The following DAPK2 variants were observed in gnomAD, a reference collection of about 807,000 sequenced individuals.
DAPK2 encodes the protein death associated protein kinase 2, also known as death-associated protein kinase 2.
DAPK2 carries 35 observed loss-of-function variants against 44.1 expected under a neutral mutation model. That is an observed-to-expected ratio of 0.79 (90% CI 0.61 to 1.05). DAPK2 has a LOEUF of 1.05. Among genes scored for constraint, DAPK2 ranks in the 50% least tolerant of loss-of-function variants. DAPK2 has a pLI of 0.00. For synonymous variants in DAPK2, 174 were observed against 182.6 expected, an observed-to-expected ratio of 0.95 and a Z score of 0.38; for missense variants, 453 against 483.2, an observed-to-expected ratio of 0.94 and a Z score of 0.59.
At position 64,020,184 on chromosome 15, in the gene DAPK2, T is replaced by C. The variant is rs1391929801; in HGVS notation, c.92+19986A>G. On this transcript the variant is annotated intron_variant, in intron 1 of 10. Transcript: ENST00000261891. The surrounding 1 kb of genome is among the most constrained non-coding windows in gnomAD (Gnocchi z 4.5). ...GACACTAAGTGCCAGAAGGCACTTA[T>C]ATGCTAGAGATGGGGGAAAGGAAAC... Among the ~76,000 whole-genome samples the C allele has an allele frequency of 1.3e-5, 2 of 152,196 alleles. No individual in the cohort carries two copies. The highest frequency in any genetic ancestry group is 4.8e-5 in the African/African-American group (2 of 41,438).
At chr15:64,037,392 C>G (rs1023539523) in intron 1 of DAPK2, among the ~76,000 whole-genome samples, 2 of 152,212 alleles carry the variant, frequency 1.3e-5, no homozygotes, top group Non-Finnish European at 2.9e-5. Context: ...TCTAACCACC[C>G]AGATGGAATT....
chr15:63,950,392 A>AT (rs1282328997), intron 3 of DAPK2, among the ~76,000 whole-genome samples: 1,454 of 144,538 alleles, frequency 0.01, 24 homozygotes, highest in African/African-American at 0.032. Context: ...ATTAAAAAAC[A>AT]TTTTTTTTTT....
chr15:63,940,581 G>A (rs1006333995), intron 3 of DAPK2, among the ~76,000 whole-genome samples: 8 of 151,948 alleles, frequency 5.3e-5, no homozygotes, highest in Non-Finnish European at 8.8e-5. Context: ...GTGTGGTGGC[G>A]CACGCCTGTA....
intron 8 of DAPK2, among the ~76,000 whole-genome samples, chr15:63,915,478 T>C (rs2078902717): frequency 6.6e-6 from 1 of 152,240 alleles, no homozygotes; most frequent in Non-Finnish European, 1.5e-5. Flanking sequence ...ATTAGTAGAC[T>C]CTGGGGGAGA....
intron 1 of DAPK2, among the ~76,000 whole-genome samples, chr15:64,009,681 T>C (rs2079333043): frequency 1.3e-5 from 2 of 152,136 alleles, no homozygotes; most frequent in Non-Finnish European, 2.9e-5. Flanking sequence ...AATCCTCACC[T>C]TGGAATATGT....
intron 2 of DAPK2, among the ~76,000 whole-genome samples, chr15:63,976,987 C>G (rs2078368465): frequency 6.6e-6 from 1 of 152,002 alleles, no homozygotes; most frequent in Non-Finnish European, 1.5e-5. Flanking sequence ...ATACAGGGAA[C>G]AGAGGAATGA....
chr15:63,924,786 G>A (rs765936311), intron 8 of DAPK2, 30 bp downstream of exon 9: 1 of 1,613,540 alleles, frequency 6.2e-7, no homozygotes, highest in East Asian at 2.2e-5. Context: ...GGGACCCTTT[G>A]CCCATTGGAA....
chr15:63,973,996 T>C (rs2078281575), intron 2 of DAPK2, among the ~76,000 whole-genome samples: 1 of 152,196 alleles, frequency 6.6e-6, no homozygotes, highest in East Asian at 1.9e-4. Context: ...CAAGAGAATC[T>C]AAGTATGGCC....
At chr15:64,036,046 A>C (rs2080170967) in intron 1 of DAPK2, among the ~76,000 whole-genome samples, 1 of 151,906 alleles carries the variant, frequency 6.6e-6, no homozygotes, top group Non-Finnish European at 1.5e-5. Flanking sequence ...GAGGATCACA[A>C]GGTCAAGAGA....
rs563956100 is a variant in DAPK2 at position 63,953,913 on chromosome 15, G to A, written c.454-14552C>T. 2.6e-5 allele frequency among the ~76,000 whole-genome samples: 4 copies of A among 152,282 alleles called. No individual in the cohort carries two copies. In the East Asian group the frequency reaches 7.7e-4, roughly 29 times the overall value. On this transcript the variant is annotated intron_variant, in intron 3 of 10. Coordinates refer to ENST00000261891, the Ensembl canonical transcript of DAPK2. Reference sequence around the variant, plus strand: ...TCATACACCTGTTTGCCATTTGTATGTCTTCTTTTTAGAAATGTCTATTCA... The same window carrying A: ...TCATACACCTGTTTGCCATTTGTATATCTTCTTTTTAGAAATGTCTATTCA...
chr15:64,008,278 T>C (rs1211463110), intron 1 of DAPK2, among the ~76,000 whole-genome samples: 2 of 152,232 alleles, frequency 1.3e-5, no homozygotes, highest in African/African-American at 4.8e-5. Context: ...CTCTACCCTA[T>C]ATGCAGGTTC....
chr15:63,928,901 C>T (rs890118471), intron 6 of DAPK2, among the ~76,000 whole-genome samples: 10 of 152,102 alleles, frequency 6.6e-5, no homozygotes, highest in African/African-American at 2.4e-4. Context: ...ACAGGGCTGT[C>T]CCAAGAGTTC....
chr15:64,021,892 G>A (rs983070887), intron 1 of DAPK2, among the ~76,000 whole-genome samples: 2 of 152,214 alleles, frequency 1.3e-5, no homozygotes, highest in African/African-American at 4.8e-5. Context: ...AGCTAGAGAG[G>A]AGAAAGCTTG....
intron 3 of DAPK2, among the ~76,000 whole-genome samples, chr15:63,940,224 G>A (rs551667252): frequency 6.6e-6 from 1 of 152,200 alleles, no homozygotes; most frequent in Admixed American, 6.5e-5. Flanking sequence ...CACTCTAAAG[G>A]AAATGTCCTG....
chr15:64,012,462 AG>A (rs1401649009), intron 1 of DAPK2, among the ~76,000 whole-genome samples: 5 of 152,246 alleles, frequency 3.3e-5, no homozygotes, highest in Non-Finnish European at 5.9e-5. Flanking sequence ...TGAGTAAATG[AG>A]GTATGCAGAT....
intron 4 of DAPK2, 127 bp from the exon 6 acceptor site, chr15:63,930,582 G>A (rs2079515231): frequency 1.2e-6 from 1 of 834,150 alleles, no homozygotes; most frequent in African/African-American, 1.7e-5. Flanking sequence ...TAGAGCAGCA[G>A]ATAAAGGTGA....
chr15:63,967,758 A>G, intron 3 of DAPK2, among the ~76,000 whole-genome samples: 1 of 152,192 alleles, frequency 6.6e-6, no homozygotes, highest in East Asian at 1.9e-4. Flanking sequence ...GTGAGCAGGG[A>G]CAGAGCCTGA....
intron 3 of DAPK2, among the ~76,000 whole-genome samples, chr15:63,956,883 G>A (rs1376943560): frequency 6.6e-6 from 1 of 152,152 alleles, no homozygotes; most frequent in Non-Finnish European, 1.5e-5. Context: ...CACTGCACCT[G>A]GCCAAAAATT....
chr15:64,046,333 CAGGCGCGGCGGGAGCGGCGGG>C (rs1399378670), upstream of DAPK2: 4 of 207,634 alleles, frequency 1.9e-5, no homozygotes, highest in South Asian at 2.5e-4. The surrounding 1 kb of genome is among the most constrained non-coding windows in gnomAD (Gnocchi z 5.3). Flanking sequence ...GCGGCCGCGG[CAGGCGCGGCGGGAGCGGCGGG>C]CGCGGCGGGC....
Sources: gnomAD v4.1 joint callset for allele counts (sites outside exome capture counted in the v4.1 genomes callset) on GRCh38, gnomAD v4.1.1 for gene constraint, Gnocchi (gnomAD v3.1) non-coding constraint, MANE v1.5 for transcripts, NCBI Gene and HGNC (gene_info 2026-07-23, HGNC 2026-07-21) for gene names.